The following PITPNC1 variants were observed in gnomAD, a reference collection of about 807,000 sequenced individuals.
The protein encoded by PITPNC1 is cytoplasmic phosphatidylinositol transfer protein 1.
PITPNC1 carries 18 observed loss-of-function variants against 44.7 expected under a neutral mutation model. The observed-to-expected ratio is 0.40, with a 90% confidence interval of 0.28 to 0.60. PITPNC1 has a LOEUF of 0.60. Ranked by LOEUF, PITPNC1 falls within the 20% of genes least tolerant of loss-of-function variation. PITPNC1 has a pLI of 0.39. For missense variants in PITPNC1, 290 were observed against 418.4 expected, an observed-to-expected ratio of 0.69 and a Z score of 2.68; for synonymous variants, 141 against 149.6, an observed-to-expected ratio of 0.94 and a Z score of 0.42.
At chr17:67,589,929 C>T (rs1244306828) in intron 5 of PITPNC1, among the ~76,000 whole-genome samples, 1 of 151,998 alleles carries the variant, frequency 6.6e-6, no homozygotes, top group African/African-American at 2.4e-5. Flanking sequence ...GATCATACCA[C>T]TGCACTCCAG....
chr17:67,639,850 G>C (rs2042072882), intron 6 of PITPNC1, among the ~76,000 whole-genome samples: 1 of 152,194 alleles, frequency 6.6e-6, no homozygotes, highest in East Asian at 1.9e-4. Context: ...CTCAGAAAGG[G>C]AACAGAGAGA....
At chr17:67,471,525 G>T in intron 1 of PITPNC1, 1 of 365,806 alleles carries the variant, frequency 2.7e-6, no homozygotes. Flanking sequence ...TGTGGTTTTT[G>T]CCATTACTTT....
chr17:67,544,734 C>T (rs2144150400), intron 2 of PITPNC1, among the ~76,000 whole-genome samples: 1 of 152,354 alleles, frequency 6.6e-6, no homozygotes, highest in Middle Eastern at 3.4e-3. Context: ...AAGCTACCAG[C>T]TGGTCCTTTT....
chr17:67,447,136 G>T (rs1196166598), intron 1 of PITPNC1, among the ~76,000 whole-genome samples: 1 of 126,464 alleles, frequency 7.9e-6, no homozygotes, highest in Non-Finnish European at 1.7e-5. Context: ...TAGGATCTAA[G>T]AAGAATGTGT....
At chr17:67,533,448 T>G (rs1344193825) in intron 2 of PITPNC1, among the ~76,000 whole-genome samples, 1 of 152,162 alleles carries the variant, frequency 6.6e-6, no homozygotes, top group Non-Finnish European at 1.5e-5. Flanking sequence ...AGGTGGAGGC[T>G]GCAGTGAGCC....
intron 8 of PITPNC1, among the ~76,000 whole-genome samples, chr17:67,692,332 G>C (rs967445761): frequency 1.3e-5 from 2 of 152,152 alleles, no homozygotes; most frequent in Non-Finnish European, 2.9e-5. Flanking sequence ...AATACTCACT[G>C]TGAAGAGTGC....
chr17:67,691,243 T>G (rs902344358), intron 8 of PITPNC1, among the ~76,000 whole-genome samples: 8 of 152,210 alleles, frequency 5.3e-5, no homozygotes, highest in Non-Finnish European at 1.0e-4. Context: ...GTGATATATC[T>G]TCAACATATT....
chr17:67,465,344 G>T (rs138139233), intron 1 of PITPNC1, among the ~76,000 whole-genome samples: 10 of 152,360 alleles, frequency 6.6e-5, no homozygotes, highest in Admixed American at 3.3e-4. Context: ...ATGAGCCAGT[G>T]CAGAGGAAAG....
intron 6 of PITPNC1, among the ~76,000 whole-genome samples, chr17:67,651,612 C>T (rs1473042992): frequency 6.6e-6 from 1 of 152,174 alleles, no homozygotes; most frequent in Non-Finnish European, 1.5e-5. Context: ...ACTATAATCA[C>T]ATGTTTACCT....
rs1050389035 is a variant in PITPNC1, at chr17:67,697,256, C to G, written c.*4368C>G. The G allele has an allele frequency of 6.6e-6, 1 of 151,322 alleles. No individual in the cohort carries two copies. Among genetic ancestry groups the G allele is most frequent in the East Asian group, 1.9e-4 (1 of 5,130 alleles). The allele number at this position is 151,322 out of a possible 1,614,324, so 9.4% of individuals were successfully genotyped here. A position where few individuals can be genotyped will look rare whatever the true frequency, so the allele number is the denominator to read the frequency against. On this transcript the variant is annotated 3_prime_UTR_variant, in exon 9 of 9. Transcript: ENST00000581322. ...TGTAAATAAAATACAAAGCAATCTT[C>G]TTTGCAAGCGTAGCTTCCTCTCTCT... is the stretch of plus-strand genomic sequence containing the variant.
At chr17:67,662,758 G>A (rs1323439897) in intron 6 of PITPNC1, among the ~76,000 whole-genome samples, 1 of 152,114 alleles carries the variant, frequency 6.6e-6, no homozygotes, top group Non-Finnish European at 1.5e-5. Context: ...GCATGTATCA[G>A]TACTTCATTT....
At chr17:67,560,712 C>T (rs1027790098) in intron 4 of PITPNC1, among the ~76,000 whole-genome samples, 6 of 152,212 alleles carry the variant, frequency 3.9e-5, no homozygotes, top group Non-Finnish European at 8.8e-5. Context: ...CAGATTATCC[C>T]GTTTCCACTT....
chr17:67,522,333 T>G (rs544346092), intron 1 of PITPNC1, among the ~76,000 whole-genome samples: 1 of 151,852 alleles, frequency 6.6e-6, no homozygotes, highest in Admixed American at 6.6e-5. Context: ...ACATCTAGGC[T>G]TAGGGCACGG....
chr17:67,678,699 C>A (rs2042648084), intron 8 of PITPNC1, among the ~76,000 whole-genome samples: 1 of 152,202 alleles, frequency 6.6e-6, no homozygotes. Context: ...CCTTCTCAGT[C>A]CCATATTCAA....
chr17:67,588,152 C>T (rs529746318), intron 5 of PITPNC1, among the ~76,000 whole-genome samples: 105 of 152,180 alleles, frequency 6.9e-4, no homozygotes, highest in Middle Eastern at 6.8e-3. Flanking sequence ...TACAGGTGCG[C>T]GCCACCACAC....
intron 1 of PITPNC1, among the ~76,000 whole-genome samples, chr17:67,530,859 GAA>G (rs1281174344): frequency 6.6e-6 from 1 of 152,154 alleles, no homozygotes; most frequent in Non-Finnish European, 1.5e-5. Context: ...CTTCCTCCTT[GAA>G]AGAGTGTTAG....
chr17:67,538,554 C>T lies in PITPNC1; in HGVS notation c.197+5604C>T, dbSNP rs542901856. 9.2e-5 allele frequency among the ~76,000 whole-genome samples: 14 copies of T among 152,218 alleles called. No individual in the cohort carries two copies. The East Asian group carries it at 2.3e-3, about 25-fold the overall frequency. On this transcript the variant is annotated intron_variant, in intron 2 of 8. Coordinates refer to ENST00000581322, the MANE Select transcript of PITPNC1 (RefSeq NM_012417.4). ...GGTGGAGGTTGCAATGAGCCAAGAT[C>T]GTGCCACTGCACTCCAGCCTGGGCA...
chr17:67,430,351 A>C (rs938496071), intron 1 of PITPNC1, among the ~76,000 whole-genome samples: 1 of 151,652 alleles, frequency 6.6e-6, no homozygotes, highest in African/African-American at 2.4e-5. Context: ...ACTAAGACAC[A>C]AAAAAATTAG....
chr17:67,439,197 C>T (rs2038977341), intron 1 of PITPNC1, among the ~76,000 whole-genome samples: 1 of 152,090 alleles, frequency 6.6e-6, no homozygotes, highest in South Asian at 2.1e-4. Context: ...TCTATGTAAC[C>T]ATTTCTCTCC....
Sources: gnomAD v4.1 joint callset for allele counts (sites outside exome capture counted in the v4.1 genomes callset) on GRCh38, gnomAD v4.1.1 for gene constraint, MANE v1.5 for transcripts, NCBI Gene and HGNC (gene_info 2026-07-23, HGNC 2026-07-21) for gene names.